Variants in CHN2 observed in about 807,000 individuals in gnomAD.
CHN2 encodes the protein chimerin 2.
In CHN2, 35 loss-of-function variants were observed where a neutral mutation model predicts 56.3. The observed-to-expected ratio is 0.62, with a 90% CI of 0.47 to 0.82. CHN2 has a LOEUF of 0.82. CHN2 is among the 40% of genes least tolerant of loss of function. The pLI is 0.00. For missense variants in CHN2, 491 were observed against 580.5 expected, an observed-to-expected ratio of 0.85 and a Z score of 1.58; for synonymous variants, 210 against 212.8, an observed-to-expected ratio of 0.99 and a Z score of 0.12.
chr7:29,299,206 C>T (rs114137013), intron 1 of CHN2, among the ~76,000 whole-genome samples: 105 of 152,276 alleles, frequency 6.9e-4, no homozygotes, highest in African/African-American at 2.2e-3. Flanking sequence ...CTGCGTAGAC[C>T]GGTCGGAGTT....
At chr7:29,425,942 A>C (rs567788927) in intron 6 of CHN2, among the ~76,000 whole-genome samples, 1 of 152,134 alleles carries the variant, frequency 6.6e-6, no homozygotes, top group South Asian at 2.1e-4. Context: ...CGGGTGTGGT[A>C]GCTTACACCT....
intron 1 of CHN2, among the ~76,000 whole-genome samples, chr7:29,250,065 T>C (rs1303398014): frequency 6.6e-6 from 1 of 152,244 alleles, no homozygotes; most frequent in African/African-American, 2.4e-5. Flanking sequence ...TTATTGTTCA[T>C]CTGCAACTAT....
chr7:29,212,434 T>C (rs1785024896), intron 1 of CHN2: 1 of 1,607,650 alleles, frequency 6.2e-7, no homozygotes, highest in Admixed American at 1.7e-5. Context: ...TCTGCTGAGA[T>C]GCCTCACACG....
intron 1 of CHN2, among the ~76,000 whole-genome samples, chr7:29,218,815 A>G (rs1785543738): frequency 8.9e-6 from 1 of 112,536 alleles, no homozygotes; most frequent in Non-Finnish European, 1.7e-5. Context: ...GGGTGGGGGG[A>G]GAGGAGAGGG....
At chr7:29,276,172 C>T (rs200284117) in intron 1 of CHN2, among the ~76,000 whole-genome samples, 1 of 111,038 alleles carries the variant, frequency 9.0e-6, no homozygotes, top group Non-Finnish European at 1.9e-5. Context: ...GATGCAAGAG[C>T]TTTCCAAGCA....
chr7:29,511,305 G>A (rs1397239120), intron 12 of CHN2, among the ~76,000 whole-genome samples: 3 of 145,360 alleles, frequency 2.1e-5, no homozygotes, highest in Non-Finnish European at 4.6e-5. Flanking sequence ...ATTTAGGAGT[G>A]CAAGTAATTT....
At chr7:29,198,234 G>C (rs1783897821) in intron 1 of CHN2, among the ~76,000 whole-genome samples, 2 of 152,182 alleles carry the variant, frequency 1.3e-5, no homozygotes, top group South Asian at 4.1e-4. Context: ...AGTCAACATG[G>C]GTTATACCTC....
rs1801927841 is a variant in CHN2 at position 29,398,293 on chromosome 7, C to G, written c.177-80C>G. 3 of 1,093,870 alleles carry G rather than the reference C, an allele frequency of 2.7e-6. No homozygotes were observed. In the South Asian group the frequency reaches 3.8e-5, roughly 14 times the overall value. 67.8% of individuals were successfully genotyped at this position (1,093,870 alleles called of 1,614,324 possible). A position where few individuals can be genotyped will look rare whatever the true frequency, so the allele number is the denominator to read the frequency against. On this transcript the variant is annotated intron_variant, in intron 4 of 12. Transcript: ENST00000222792. ...GGGCTGTCGATTCTGGGTGCCCCCA[C>G]CATCCTTTTAAGGCTAGTTCTTTGT...
In CHN2 at chr7:29,512,994, G is replaced by T; in HGVS notation, c.*259G>T. ...TGTATGTCTGGTTTGCTGGAAGAGT[G>T]ATTAATACATCTTTAATTTATTAAA... On this transcript the variant is annotated 3_prime_UTR_variant, in exon 13 of 13. Coordinates refer to ENST00000222792, the MANE Select transcript of CHN2 (RefSeq NM_004067.4). 3 of 346,754 alleles carry T rather than the reference G, an allele frequency of 8.7e-6. No homozygotes were observed. Among genetic ancestry groups the T allele is most frequent in the Non-Finnish European group, 1.6e-5 (3 of 192,752 alleles). The allele number at this position is 346,754 out of a possible 1,614,324, so 21.5% of individuals were successfully genotyped here.
chr7:29,475,470 TGG>T (rs1786512541), intron 6 of CHN2, among the ~76,000 whole-genome samples: 1 of 152,190 alleles, frequency 6.6e-6, no homozygotes, highest in South Asian at 2.1e-4. Context: ...GTAAGTATTA[TGG>T]GGATGAGAGA....
At chr7:29,201,363 C>A (rs1401325973) in intron 1 of CHN2, among the ~76,000 whole-genome samples, 2 of 152,154 alleles carry the variant, frequency 1.3e-5, no homozygotes, top group Admixed American at 6.5e-5. Context: ...CCCCCACCCA[C>A]TTCCTGGCTC....
intron 1 of CHN2, among the ~76,000 whole-genome samples, chr7:29,236,136 T>C (rs1032046320): frequency 1.3e-5 from 2 of 152,218 alleles, no homozygotes; most frequent in East Asian, 1.9e-4. Context: ...GTTTATCAGA[T>C]CTTGTCTTGA....
intron 3 of CHN2, among the ~76,000 whole-genome samples, chr7:29,384,564 T>C (rs570050885): frequency 6.6e-6 from 1 of 152,290 alleles, no homozygotes; most frequent in South Asian, 2.1e-4. Flanking sequence ...AGGACTGAAC[T>C]GGGTGAAGAT....
intron 2 of CHN2, among the ~76,000 whole-genome samples, chr7:29,355,049 A>G (rs2128926227): frequency 6.6e-6 from 1 of 151,498 alleles, no homozygotes; most frequent in African/African-American, 2.4e-5. Context: ...GCTCACCGCA[A>G]CCTCCATCTC....
intron 6 of CHN2, among the ~76,000 whole-genome samples, chr7:29,402,539 C>T (rs931363360): frequency 1.6e-4 from 24 of 152,224 alleles, no homozygotes; most frequent in African/African-American, 5.3e-4. Flanking sequence ...ATATGAAAGC[C>T]GACCTTCCCA....
At chr7:29,203,573 A>G (rs1286560396) in intron 1 of CHN2, among the ~76,000 whole-genome samples, 3 of 152,220 alleles carry the variant, frequency 2.0e-5, no homozygotes, top group African/African-American at 7.2e-5. Context: ...TAACTACTAG[A>G]ATATTTGAAG....
intron 1 of CHN2, among the ~76,000 whole-genome samples, chr7:29,266,216 A>G (rs1584914809): frequency 6.6e-6 from 1 of 152,156 alleles, no homozygotes; most frequent in Admixed American, 6.5e-5. Flanking sequence ...CTAGGCATTC[A>G]CCAGAGGGCC....
intron 3 of CHN2, among the ~76,000 whole-genome samples, chr7:29,377,572 C>G (rs1395178488): frequency 1.3e-5 from 2 of 152,238 alleles, no homozygotes; most frequent in African/African-American, 4.8e-5. Context: ...AGTCCATCCT[C>G]TGTGTGCTTA....
In CHN2 at chr7:29,284,786, G is replaced by A. The variant is rs1477224345; in HGVS notation, c.50-69839G>A. 3.3e-5 allele frequency among the ~76,000 whole-genome samples: 5 copies of A among 152,336 alleles called. No individual in the cohort carries two copies. The East Asian group carries it at 5.8e-4, about 18-fold the overall frequency. On this transcript the variant is annotated intron_variant, in intron 1 of 12. Transcript: ENST00000222792. ...AACTGTGAGCTAGTGAGTGGGTGTC[G>A]TTTTAAGCTGCTAAGTTTGTGTTAA...
Sources: allele counts gnomAD v4.1 joint callset (sites outside exome capture counted in the v4.1 genomes callset), GRCh38; gene constraint gnomAD v4.1.1; transcripts MANE v1.5; gene names NCBI Gene and HGNC (gene_info 2026-07-23, HGNC 2026-07-21).